Variants in LRATD1 observed in about 807,000 individuals in gnomAD.
LRATD1 encodes the protein LRAT domain containing 1.
LRATD1 carries 8 observed loss-of-function variants against 21.3 expected under a neutral mutation model. The ratio of observed to expected loss-of-function variants is 0.38; its 90% CI spans 0.22 to 0.68. The LOEUF is 0.68. Ranked by LOEUF, LRATD1 falls within the 30% of genes least tolerant of loss-of-function variation. The pLI is 0.54. For missense variants in LRATD1, 380 were observed against 404.0 expected (o/e 0.94, Z 0.51); for synonymous variants, 210 against 186.2 (o/e 1.13, Z -1.04).
downstream of LRATD1, among the ~76,000 whole-genome samples, chr2:14,643,934 A>G: frequency 6.6e-6 from 1 of 152,184 alleles, no homozygotes; most frequent in East Asian, 1.9e-4. Flanking sequence ...AGTAACTAGT[A>G]TCTGGTCTAT....
chr2:14,648,014 C>T (rs1024314475), intron 4 of LRATD1, among the ~76,000 whole-genome samples: 1 of 152,134 alleles, frequency 6.6e-6, no homozygotes, highest in Non-Finnish European at 1.5e-5. Flanking sequence ...CCAATGCTTA[C>T]AGTTAACTTC....
Position 14,633,868 on chromosome 2 carries a change from T to C in LRATD1, c.-36-76T>C. 1 of 1,398,230 alleles carries C rather than the reference T, an allele frequency of 7.2e-7. No homozygotes were observed. Among genetic ancestry groups the C allele is most frequent in the Non-Finnish European group, 9.7e-7 (1 of 1,034,646 alleles). 86.6% of individuals were successfully genotyped at this position (1,398,230 alleles called of 1,614,324 possible). ...GCTAGCCGGCAGGTCCCAGGGGCAC[T>C]GCACGTCTTGGGGAGGGACACCGAA... On this transcript the variant is annotated intron_variant, in intron 1 of 1. Transcript: ENST00000295092. The surrounding 1 kb of genome is among the most constrained non-coding windows in gnomAD (Gnocchi z 7.5).
Position 14,634,391 on chromosome 2 carries a change from C to A in LRATD1, c.412C>A (p.Pro138Thr). Reference protein sequence around the residue: ...LLWLQPAPEPPAPAPHWAVYV... With the variant: ...LLWLQPAPEPTAPAPHWAVYV... ...GTGGCTGCAGCCCGCGCCGGAGCCG[C>A]CCGCGCCCGCCCCGCACTGGGCCGT... The change falls in exon 2 of 2, where the codon CCC becomes ACC. Residue 138 changes from proline (P) to threonine (T), a missense_variant. Transcript: ENST00000295092. The A allele has an allele frequency of 6.5e-7, 1 of 1,539,006 alleles. No individual in the cohort carries two copies. Among genetic ancestry groups the A allele is most frequent in the Non-Finnish European group, 8.7e-7 (1 of 1,146,266 alleles).
rs1572296214 is a variant in LRATD1 at position 14,635,115 on chromosome 2, G to A, written c.*257G>A. The A allele has an allele frequency of 2.8e-6, 2 of 705,082 alleles. No individual in the cohort carries two copies. Among genetic ancestry groups the A allele is most frequent in the Non-Finnish European group, 5.3e-6 (2 of 379,178 alleles). 43.7% of individuals were successfully genotyped at this position (705,082 alleles called of 1,614,324 possible). A position where few individuals can be genotyped will look rare whatever the true frequency, so the allele number is the denominator to read the frequency against. Reference sequence around the variant, plus strand: ...CACAGCGGTGGTGACGGTGCTGGGAGACCCCGCGTGCGCTTTCCCCTTGAG... The same window carrying A: ...CACAGCGGTGGTGACGGTGCTGGGAAACCCCGCGTGCGCTTTCCCCTTGAG... On this transcript the variant is annotated 3_prime_UTR_variant, in exon 2 of 2. Transcript: ENST00000295092.
Position 14,634,075 on chromosome 2 carries a change from G to T in LRATD1, c.96G>T (p.Gly32=), listed in dbSNP as rs1412175045. 1.2e-6 allele frequency: 2 copies of T among 1,614,140 alleles called. No individual in the cohort carries two copies. The highest frequency in any genetic ancestry group is 2.2e-5 in the South Asian group (2 of 91,080). The stretch of plus-strand genomic sequence containing the variant: ...TTGAAAAGGACGAACTGCGGGTCGG[G>T]GTTGCCTACTTCTTCTCGGATGATG... ...SGIEKDELRV[G]VAYFFSDDEE... The change falls in exon 2 of 2, where the codon GGG becomes GGT. Residue 32 remains glycine (G), a synonymous_variant. Transcript: ENST00000295092.
At position 14,634,937 on chromosome 2, in the gene LRATD1, G is replaced by T. The variant is rs1203250953; in HGVS notation, c.*79G>T. 6.7e-7 allele frequency: 1 copy of T among 1,492,408 alleles called. No homozygotes were observed. Among genetic ancestry groups the T allele is most frequent in the African/African-American group, 1.4e-5 (1 of 71,538 alleles). 92.4% of individuals were successfully genotyped at this position (1,492,408 alleles called of 1,614,324 possible). ...TCCCCGCACCCGGACTTCGCAGTCA[G>T]CGGTTCTCAACCTCTGCCCCGCCCC... On this transcript the variant is annotated 3_prime_UTR_variant, in exon 2 of 2. Coordinates refer to ENST00000295092, the MANE Select transcript of LRATD1 (RefSeq NM_145175.4).
intron 4 of LRATD1, among the ~76,000 whole-genome samples, chr2:14,649,017 A>G (rs753347475): frequency 5.3e-4 from 81 of 152,302 alleles, no homozygotes; most frequent in Non-Finnish European, 4.9e-4. Flanking sequence ...AGTTGCAGAA[A>G]CAAAATCTCA....
chr2:14,637,741 T>C lies in LRATD1; in HGVS notation c.*2883T>C, dbSNP rs528939197. 27 of 167,190 alleles carry C rather than the reference T, an allele frequency of 1.6e-4. No individual in the cohort carries two copies. The highest frequency in any genetic ancestry group is 1.6e-3 in the Admixed American group (24 of 15,292). The allele number at this position is 167,190 out of a possible 1,614,324, so 10.4% of individuals were successfully genotyped here. A position where few individuals can be genotyped will look rare whatever the true frequency, so the allele number is the denominator to read the frequency against. On this transcript the variant is annotated 3_prime_UTR_variant, in exon 2 of 2. Coordinates refer to ENST00000295092, the MANE Select transcript of LRATD1 (RefSeq NM_145175.4). ...TATACTTTTAGGGCACTGTTAACAA[T>C]GCGAGTGAAACCAAGATGGTGCAAG...
At chr2:14,649,363 C>T (rs1344650818) in exon 5 of LRATD1, 1 of 456,396 alleles carries the variant, frequency 2.2e-6, no homozygotes, top group Non-Finnish European at 4.4e-6. Context: ...AGGAGACCCA[C>T]CAACCACCAA....
chr2:14,639,447 C>T lies in LRATD1; in HGVS notation c.*4589C>T. Reference sequence around the variant, plus strand: ...AACTTTTCAACAGGGGACACCTGTTCTCCCTTCTAACTGAAGACACTAAAG... The same window carrying T: ...AACTTTTCAACAGGGGACACCTGTTTTCCCTTCTAACTGAAGACACTAAAG... On this transcript the variant is annotated 3_prime_UTR_variant, in exon 2 of 2. Transcript: ENST00000295092. 1 of 166,826 alleles carries T rather than the reference C, an allele frequency of 6.0e-6. No individual in the cohort carries two copies. Among genetic ancestry groups the T allele is most frequent in the African/African-American group, 2.4e-5 (1 of 41,456 alleles). The allele number at this position is 166,826 out of a possible 1,614,324, so 10.3% of individuals were successfully genotyped here. A position where few individuals can be genotyped will look rare whatever the true frequency, so the allele number is the denominator to read the frequency against.
In LRATD1 at chr2:14,636,871, C is replaced by A. The variant is rs1062842; in HGVS notation, c.*2013C>A. The A allele has an allele frequency of 2.4e-5, 4 of 165,198 alleles. No individual in the cohort carries two copies. The South Asian group carries it at 8.4e-4, about 35-fold the overall frequency. The allele number at this position is 165,198 out of a possible 1,614,324, so 10.2% of individuals were successfully genotyped here. On this transcript the variant is annotated 3_prime_UTR_variant, in exon 2 of 2. Coordinates refer to ENST00000295092, the MANE Select transcript of LRATD1 (RefSeq NM_145175.4). ...TTTTTCTTTCTTTTTCTTTTTTTTT[C>A]TTTGGTTTTCATCCTGGATTCATCC... is the stretch of plus-strand genomic sequence containing the variant.
At position 14,634,978 on chromosome 2, in the gene LRATD1, C is replaced by A; in HGVS notation, c.*120C>A. Reference sequence around the variant, plus strand: ...GCCCCGCCCCGCCACGCGCGTCCGCCGCCGGTGGCCCGGGCCCGGGCTGCA... The same window carrying A: ...GCCCCGCCCCGCCACGCGCGTCCGCAGCCGGTGGCCCGGGCCCGGGCTGCA... On this transcript the variant is annotated 3_prime_UTR_variant, in exon 2 of 2. Transcript: ENST00000295092. The A allele has an allele frequency of 1.5e-6, 2 of 1,340,722 alleles. No homozygotes were observed. Among genetic ancestry groups the A allele is most frequent in the Non-Finnish European group, 2.0e-6 (2 of 988,750 alleles). The allele number at this position is 1,340,722 out of a possible 1,614,324, so 83.1% of individuals were successfully genotyped here.
chr2:14,651,768 AATG>A (rs2103416020), downstream of LRATD1, among the ~76,000 whole-genome samples: 1 of 152,068 alleles, frequency 6.6e-6, no homozygotes, highest in South Asian at 2.1e-4. Context: ...AAATATTAAT[AATG>A]TATTTTATAT....
Position 14,634,587 on chromosome 2 carries a change from A to G in LRATD1, c.608A>G (p.Lys203Arg). ...AACGCCTGCGGCCACCTGGGCCTCA[A>G]GAGCGAGGAGATCTGCTGGACGAAC... ...VQNACGHLGL[K>R]SEEICWTNSE... The change falls in exon 2 of 2, where the codon AAG (lysine) becomes AGG (arginine). Residue 203 changes from lysine to arginine, a missense_variant. Transcript: ENST00000295092. 6.7e-7 allele frequency: 1 copy of G among 1,500,552 alleles called. No homozygotes were observed. The highest frequency in any genetic ancestry group is 8.9e-7 in the Non-Finnish European group (1 of 1,121,846). The allele number at this position is 1,500,552 out of a possible 1,614,324, so 93.0% of individuals were successfully genotyped here.
At chr2:14,649,790 T>G (rs538572481), downstream of LRATD1, 8 of 156,270 alleles carry the variant, frequency 5.1e-5, no homozygotes, top group South Asian at 1.6e-3. Context: ...TTCCCAAAAT[T>G]CATATGTTGA....
rs868759608 is a variant in LRATD1, at chr2:14,634,913, C to G, written c.*55C>G. 2 of 1,546,670 alleles carry G rather than the reference C, an allele frequency of 1.3e-6. No individual in the cohort carries two copies. Among genetic ancestry groups the G allele is most frequent in the Middle Eastern group, 1.7e-4 (1 of 5,836 alleles). On this transcript the variant is annotated 3_prime_UTR_variant, in exon 2 of 2. Coordinates refer to ENST00000295092, the MANE Select transcript of LRATD1 (RefSeq NM_145175.4). Reference sequence around the variant, plus strand: ...CCCCCGCACCTCGCTCCCTTCCCTTCCCCGCACCCGGACTTCGCAGTCAGC... The same window carrying G: ...CCCCCGCACCTCGCTCCCTTCCCTTGCCCGCACCCGGACTTCGCAGTCAGC...
In LRATD1 at chr2:14,634,230, C is replaced by T; in HGVS notation, c.251C>T (p.Thr84Ile). Reference protein sequence around the residue: ...HLLHQLVLNETQFSAFRGQEC... With the variant: ...HLLHQLVLNEIQFSAFRGQEC... ...CTGCACCAGCTGGTCCTCAACGAGACTCAGTTTTCCGCCTTTCGGGGCCAG... is the reference window on the plus strand; with the variant it reads ...CTGCACCAGCTGGTCCTCAACGAGATTCAGTTTTCCGCCTTTCGGGGCCAG... Residue 84 changes from threonine (T) to isoleucine (I), a missense_variant, in exon 2 of 2, where the codon ACT (threonine) becomes ATT (isoleucine). By Grantham distance (89) the Thr-to-Ile change is moderately conservative. Transcript: ENST00000295092. The T allele has an allele frequency of 6.2e-7, 1 of 1,612,458 alleles. No individual in the cohort carries two copies. The highest frequency in any genetic ancestry group is 8.5e-7 in the Non-Finnish European group (1 of 1,179,870).
downstream of LRATD1, among the ~76,000 whole-genome samples, chr2:14,640,958 C>A (rs191666641): frequency 6.6e-6 from 1 of 152,156 alleles, no homozygotes; most frequent in East Asian, 1.9e-4. Context: ...TGCTCAGTTA[C>A]ATTTGAATTT....
chr2:14,638,550 C>A lies in LRATD1; in HGVS notation c.*3692C>A, dbSNP rs184144561. 5.6e-4 allele frequency: 94 copies of A among 166,874 alleles called. No individual in the cohort carries two copies. Among genetic ancestry groups the A allele is most frequent in the African/African-American group, 2.2e-3 (90 of 41,450 alleles). The allele number at this position is 166,874 out of a possible 1,614,324, so 10.3% of individuals were successfully genotyped here. A position where few individuals can be genotyped will look rare whatever the true frequency, so the allele number is the denominator to read the frequency against. On this transcript the variant is annotated 3_prime_UTR_variant, in exon 2 of 2. Transcript: ENST00000295092. Reference sequence around the variant, plus strand: ...TTAGTATTTACAAAATAATTAATTACCTGAATAAGCAGTATATACTAAAAG... The same window carrying A: ...TTAGTATTTACAAAATAATTAATTAACTGAATAAGCAGTATATACTAAAAG...
Sources: gnomAD v4.1 joint callset for allele counts (sites outside exome capture counted in the v4.1 genomes callset) on GRCh38, gnomAD v4.1.1 for gene constraint, Gnocchi (gnomAD v3.1) non-coding constraint, MANE v1.5 for transcripts, NCBI Gene and HGNC (gene_info 2026-07-23, HGNC 2026-07-21) for gene names.